HVCN1: variants seen among roughly 807,000 people sequenced by gnomAD.
HVCN1 encodes voltage-gated hydrogen channel 1.
In HVCN1, 14 loss-of-function variants were observed where a neutral mutation model predicts 29.2. That is an observed-to-expected ratio of 0.48 (90% CI 0.32 to 0.75). The LOEUF is 0.75. Among genes scored for constraint, HVCN1 ranks in the 30% least tolerant of loss-of-function variants. The pLI is 0.04. For synonymous variants in HVCN1, 131 were observed against 133.2 expected, an observed-to-expected ratio of 0.98 and a Z score of 0.11; for missense variants, 263 against 341.8, an observed-to-expected ratio of 0.77 and a Z score of 1.82.
At chr12:110,694,629 C>A (rs1355380291), upstream of HVCN1, among the ~76,000 whole-genome samples, 1 of 152,218 alleles carries the variant, frequency 6.6e-6, no homozygotes, top group Admixed American at 6.5e-5. The surrounding 1 kb of genome is among the most constrained non-coding windows in gnomAD (Gnocchi z 4.6). Flanking sequence ...TAGATGAGTT[C>A]TCAGCCAGAG....
intron 3 of HVCN1, among the ~76,000 whole-genome samples, chr12:110,673,480 C>A (rs980058532): frequency 8.5e-5 from 13 of 152,168 alleles, no homozygotes; most frequent in African/African-American, 3.1e-4. Flanking sequence ...AAGCCAGCTA[C>A]AGAAATTTCC....
chr12:110,670,509 T>G (rs2068539249), intron 3 of HVCN1, among the ~76,000 whole-genome samples: 1 of 152,212 alleles, frequency 6.6e-6, no homozygotes, highest in Admixed American at 6.5e-5. Context: ...GCTGCTAACT[T>G]CCTTCCATGC....
intron 3 of HVCN1, among the ~76,000 whole-genome samples, chr12:110,668,205 T>A (rs1318877871): frequency 1.3e-5 from 2 of 151,976 alleles, no homozygotes; most frequent in Non-Finnish European, 2.9e-5. Flanking sequence ...GATCATCCCT[T>A]AACAACAAAA....
At chr12:110,649,851 T>C (rs1265581997) in intron 7 of HVCN1, among the ~76,000 whole-genome samples, 5 of 151,898 alleles carry the variant, frequency 3.3e-5, no homozygotes, top group Non-Finnish European at 7.4e-5. Context: ...TTCCCAGATA[T>C]CTTTTTTTTT....
chr12:110,683,322 A>G, intron 2 of HVCN1, 58 bp from the exon 3 acceptor site: 3 of 1,545,102 alleles, frequency 1.9e-6, no homozygotes, highest in Non-Finnish European at 2.6e-6. Context: ...CTGCCTTGGT[A>G]TGTGCTCTGT....
chr12:110,656,588 G>A (rs1191067321), intron 4 of HVCN1, among the ~76,000 whole-genome samples: 4 of 152,008 alleles, frequency 2.6e-5, no homozygotes, highest in African/African-American at 9.7e-5. Flanking sequence ...CCACCCCCCC[G>A]CCAGGGCCTT....
At chr12:110,660,049 C>A (rs1593454664) in intron 4 of HVCN1, among the ~76,000 whole-genome samples, 1 of 151,428 alleles carries the variant, frequency 6.6e-6, no homozygotes, top group African/African-American at 2.4e-5. Flanking sequence ...GGTGACAGAG[C>A]AAGACTCTGT....
chr12:110,649,844 C>T (rs1344422970), intron 7 of HVCN1, among the ~76,000 whole-genome samples: 1 of 152,122 alleles, frequency 6.6e-6, no homozygotes, highest in Non-Finnish European at 1.5e-5. Flanking sequence ...GGCCAGCTTC[C>T]CAGATATCTT....
upstream of HVCN1, among the ~76,000 whole-genome samples, chr12:110,690,911 C>A (rs576578840): frequency 6.6e-6 from 1 of 151,038 alleles, no homozygotes; most frequent in Non-Finnish European, 1.5e-5. Context: ...CCTGCCACCA[C>A]GCCTGGCTAA....
rs545786189 is a variant in HVCN1 at position 110,671,187 on chromosome 12, C to T, written c.22-9739G>A. On this transcript the variant is annotated intron_variant, in intron 3 of 7. Coordinates refer to ENST00000242607, the MANE Select transcript of HVCN1 (RefSeq NM_032369.4). ...ACTAAAAATACAAAAATTAGCCGGG[C>T]GTGGTGGTGGGTGCCTGTAATCCTA... 6.6e-5 allele frequency among the ~76,000 whole-genome samples: 10 copies of T among 152,126 alleles called. No homozygotes were observed. In the South Asian group the frequency reaches 1.0e-3, roughly 16 times the overall value.
intron 3 of HVCN1, among the ~76,000 whole-genome samples, chr12:110,673,736 G>A (rs1435813881): frequency 2.0e-5 from 3 of 152,236 alleles, no homozygotes; most frequent in Non-Finnish European, 4.4e-5. Context: ...CAGCTTCCAC[G>A]TGGTGTTGAG....
intron 5 of HVCN1, among the ~76,000 whole-genome samples, chr12:110,654,521 C>T (rs1363311098): frequency 5.4e-5 from 8 of 148,150 alleles, no homozygotes; most frequent in Admixed American, 2.7e-4. Context: ...TCTTGTTGCC[C>T]GGGCTGGAGT....
intron 4 of HVCN1, among the ~76,000 whole-genome samples, chr12:110,656,580 AC>A (rs377732826): frequency 1.1e-4 from 16 of 150,724 alleles, no homozygotes; most frequent in East Asian, 9.8e-4. Context: ...CACCGTACCC[AC>A]CCCCCCGCCA....
chr12:110,657,799 A>G (rs958933946), intron 4 of HVCN1, among the ~76,000 whole-genome samples: 1 of 152,192 alleles, frequency 6.6e-6, no homozygotes, highest in Admixed American at 6.5e-5. Flanking sequence ...CCAGGTCACA[A>G]GGAAAATTGC....
In HVCN1 at chr12:110,661,215, G is replaced by A; in HGVS notation, c.255C>T (p.Pro85=). The change falls in exon 4 of 8, where the codon CCC becomes CCT. Residue 85 remains proline, a synonymous_variant. Transcript: ENST00000242607. The surrounding 1 kb of genome is among the most constrained non-coding windows in gnomAD (Gnocchi z 6.2). ...APAPGPAPRA[P]LDFRGMLRKL... Reference sequence around the variant, plus strand: ...TCCTCAACATGCCCCTGAAGTCAAGGGGGGCCCTGGGTGCGGGGCCAGGGG... The same window carrying A: ...TCCTCAACATGCCCCTGAAGTCAAGAGGGGCCCTGGGTGCGGGGCCAGGGG... 1.2e-6 allele frequency: 2 copies of A among 1,613,786 alleles called. No homozygotes were observed. Among genetic ancestry groups the A allele is most frequent in the Non-Finnish European group, 1.7e-6 (2 of 1,179,764 alleles).
chr12:110,685,680 TTTG>T (rs1325837225), intron 2 of HVCN1, among the ~76,000 whole-genome samples: 12 of 152,000 alleles, frequency 7.9e-5, no homozygotes, highest in Non-Finnish European at 1.0e-4. Context: ...CCCTTTTTTT[TTTG>T]TTGTTGTTGT....
chr12:110,687,186 C>T (rs1325306816), intron 2 of HVCN1, among the ~76,000 whole-genome samples: 5 of 151,520 alleles, frequency 3.3e-5, no homozygotes, highest in Admixed American at 6.6e-5. Context: ...GGCAAGATCA[C>T]GATCCTGGTA....
chr12:110,700,949 AG>A (rs1487059943), intron 2 of HVCN1, among the ~76,000 whole-genome samples: 1 of 152,210 alleles, frequency 6.6e-6, no homozygotes, highest in African/African-American at 2.4e-5. Context: ...TGGAACTCTT[AG>A]TGGAGAAGTC....
intron 3 of HVCN1, among the ~76,000 whole-genome samples, chr12:110,680,367 G>A (rs1420053031): frequency 2.0e-5 from 3 of 152,000 alleles, no homozygotes. Context: ...TTCTGACAAG[G>A]TCCTCAGCCA....
Sources: gnomAD v4.1 joint callset for allele counts (sites outside exome capture counted in the v4.1 genomes callset) on GRCh38, gnomAD v4.1.1 for gene constraint, Gnocchi (gnomAD v3.1) non-coding constraint, MANE v1.5 for transcripts, NCBI Gene and HGNC (gene_info 2026-07-23, HGNC 2026-07-21) for gene names.